The following NXPE2 variants were observed in gnomAD, a reference collection of about 807,000 sequenced individuals.
The protein encoded by NXPE2 is NXPE family member 2.
In NXPE2, 34 loss-of-function variants were observed where a neutral mutation model predicts 34.4. The ratio of observed to expected loss-of-function variants is 0.99; its 90% CI spans 0.75 to 1.31. The LOEUF is 1.31. Ranked by LOEUF, NXPE2 falls within the 40% of genes most tolerant of loss-of-function variation. The probability of loss-of-function intolerance (pLI) is 0.00; values close to 1 mark genes in which losing one functional copy is unlikely to be tolerated. For synonymous variants in NXPE2, 235 were observed against 231.3 expected, an observed-to-expected ratio of 1.02 and a Z score of -0.15; for missense variants, 649 against 672.5, an observed-to-expected ratio of 0.97 and a Z score of 0.39.
intron 2 of NXPE2, among the ~76,000 whole-genome samples, chr11:114,696,340 C>CAAAAAAAAAAAAAAAAAA (rs773266644): frequency 4.0e-4 from 26 of 64,568 alleles, no homozygotes; most frequent in Non-Finnish European, 5.0e-4. Flanking sequence ...TCAAAAAAAC[C>CAAAAAAAAAAAAAAAAAA]AAAAAAAAAA....
chr11:114,537,232 C>A, the NXPE2 span, among the ~76,000 whole-genome samples: 79 of 152,206 alleles, frequency 5.2e-4, no homozygotes, highest in African/African-American at 1.8e-3. Context: ...ATTCAACAAC[C>A]CTTCATGCTA....
the NXPE2 span, among the ~76,000 whole-genome samples, chr11:114,645,678 A>G: frequency 6.6e-6 from 1 of 152,190 alleles, no homozygotes; most frequent in Non-Finnish European, 1.5e-5. Context: ...GTAAAGGGAA[A>G]GAAAACCCAA....
At chr11:114,663,678 T>TTATCTATCTATCTATCTATC in the NXPE2 span, among the ~76,000 whole-genome samples, 185 of 146,060 alleles carry the variant, frequency 1.3e-3, 1 homozygote, top group East Asian at 2.0e-3. Flanking sequence ...ATCTATCTAT[T>TTATCTATCTATCTATCTATC]TATCTATCTA....
the NXPE2 span, among the ~76,000 whole-genome samples, chr11:114,525,568 T>C: frequency 2.6e-5 from 4 of 151,884 alleles, no homozygotes; most frequent in Non-Finnish European, 5.9e-5. Context: ...GCTTCCCCCT[T>C]CCCCCCTTAC....
chr11:114,581,645 T>C, the NXPE2 span: 3 of 1,189,146 alleles, frequency 2.5e-6, no homozygotes, highest in South Asian at 3.9e-5. Flanking sequence ...ACTGAAACAG[T>C]GAACAAATCC....
chr11:114,724,603 A>G, the NXPE2 span, among the ~76,000 whole-genome samples: 1 of 152,112 alleles, frequency 6.6e-6, no homozygotes, highest in African/African-American at 2.4e-5. Context: ...CCTTATTGCC[A>G]TATTTTAAGT....
chr11:114,622,676 A>T, the NXPE2 span, among the ~76,000 whole-genome samples: 1 of 151,236 alleles, frequency 6.6e-6, no homozygotes, highest in East Asian at 2.0e-4. Context: ...GTGGATAATA[A>T]ATGTTGCCTA....
the NXPE2 span, among the ~76,000 whole-genome samples, chr11:114,616,127 G>A: frequency 7.3e-5 from 11 of 151,188 alleles, no homozygotes; most frequent in Admixed American, 1.3e-4. Context: ...ACTGTTATCC[G>A]GTGGATAATA....
chr11:114,784,322 A>AT, the NXPE2 span, among the ~76,000 whole-genome samples: 606 of 151,422 alleles, frequency 4.0e-3, 4 homozygotes, highest in African/African-American at 0.014. Flanking sequence ...CCAGCCCTGC[A>AT]TTTTTTTTTC....
the NXPE2 span, among the ~76,000 whole-genome samples, chr11:114,550,602 T>TA: frequency 1.3e-5 from 2 of 152,162 alleles, no homozygotes; most frequent in Non-Finnish European, 2.9e-5. Context: ...ATAGACAATG[T>TA]AACTATACAA....
chr11:114,524,773 G>A, the NXPE2 span, among the ~76,000 whole-genome samples: 2 of 152,120 alleles, frequency 1.3e-5, no homozygotes, highest in East Asian at 1.9e-4. Flanking sequence ...ATTTTGCCAC[G>A]TCTCAAACTT....
chr11:114,534,355 G>A, the NXPE2 span, among the ~76,000 whole-genome samples: 398 of 152,202 alleles, frequency 2.6e-3, 1 homozygote, highest in Middle Eastern at 0.024. Flanking sequence ...CAGAAAAACC[G>A]GAAACTCTAA....
chr11:114,567,485 G>T, the NXPE2 span, among the ~76,000 whole-genome samples: 1 of 151,976 alleles, frequency 6.6e-6, no homozygotes, highest in Non-Finnish European at 1.5e-5. Context: ...CGGCAGCCTT[G>T]GGGAGGGACC....
At chr11:114,669,796 C>A in the NXPE2 span, among the ~76,000 whole-genome samples, 1 of 152,176 alleles carries the variant, frequency 6.6e-6, no homozygotes, top group African/African-American at 2.4e-5. Flanking sequence ...AAAAAAAACT[C>A]TTCCAAAGAT....
At chr11:114,518,506 T>C in the NXPE2 span, 128 of 152,350 alleles carry the variant, frequency 8.4e-4, no homozygotes, top group African/African-American at 2.9e-3. Flanking sequence ...CACCTTGTTT[T>C]TGTGAATGGG....
chr11:114,636,614 C>T, the NXPE2 span, among the ~76,000 whole-genome samples: 1,546 of 152,048 alleles, frequency 0.01, 21 homozygotes, highest in African/African-American at 0.035. Context: ...CTATAAATTT[C>T]CCTCTACACA....
At chr11:114,802,973 CAG>C in the NXPE2 span, among the ~76,000 whole-genome samples, 1 of 152,074 alleles carries the variant, frequency 6.6e-6, no homozygotes, top group South Asian at 2.1e-4. Flanking sequence ...GATGTGTTTA[CAG>C]AGAGGCCGTG....
chr11:114,764,839 G>A, the NXPE2 span, among the ~76,000 whole-genome samples: 2 of 152,172 alleles, frequency 1.3e-5, no homozygotes, highest in South Asian at 4.1e-4. Flanking sequence ...TTTCAGATCA[G>A]TGGGAGTTTA....
chr11:114,597,401 G>A, the NXPE2 span, among the ~76,000 whole-genome samples: 6 of 152,030 alleles, frequency 3.9e-5, no homozygotes, highest in Non-Finnish European at 7.4e-5. Context: ...AAATATTTTC[G>A]GAGAAAGAAA....
Sources: gnomAD v4.1 joint callset for allele counts (sites outside exome capture counted in the v4.1 genomes callset) on GRCh38, gnomAD v4.1.1 for gene constraint, MANE v1.5 for transcripts, NCBI Gene and HGNC (gene_info 2026-07-23, HGNC 2026-07-21) for gene names.